Variants in RBCK1 observed in about 807,000 individuals in gnomAD.
RBCK1 encodes RANBP2-type and C3HC4-type zinc finger containing 1, also known as ranBP-type and C3HC4-type zinc finger-containing protein 1.
RBCK1 carries 44 observed loss-of-function variants against 71.1 expected under a neutral mutation model. That is an observed-to-expected ratio of 0.62 (90% CI 0.49 to 0.80). RBCK1 has a LOEUF of 0.80. RBCK1 is among the 30% of genes least tolerant of loss of function. RBCK1 has a pLI of 0.00. For missense variants in RBCK1, 569 were observed against 685.0 expected, an observed-to-expected ratio of 0.83 and a Z score of 1.89; for synonymous variants, 306 against 279.7, an observed-to-expected ratio of 1.09 and a Z score of -0.94.
intron 2 of RBCK1, among the ~76,000 whole-genome samples, chr20:412,408 C>T (rs1303191758): frequency 1.3e-5 from 2 of 151,942 alleles, no homozygotes; most frequent in Non-Finnish European, 2.9e-5. Context: ...GCAACCTCCG[C>T]CTCCCAGGTT....
intron 6 of RBCK1, chr20:420,109 C>T: frequency 2.0e-6 from 2 of 985,206 alleles, no homozygotes; most frequent in Non-Finnish European, 2.4e-6. Flanking sequence ...ACCTCACCCC[C>T]ACCCGTCTGT....
intron 8 of RBCK1, among the ~76,000 whole-genome samples, chr20:425,141 G>A (rs2016638876): frequency 6.6e-6 from 1 of 152,098 alleles, no homozygotes; most frequent in Non-Finnish European, 1.5e-5. Context: ...CTCCCAAGTA[G>A]CTGGGACTAG....
In RBCK1 at chr20:417,527, C is replaced by T. The variant is rs777689889; in HGVS notation, c.169C>T (p.Leu57=). The change falls in exon 3 of 12, where the codon CTG becomes TTG. Residue 57 remains leucine (L), a splice_region_variant and synonymous_variant. Coordinates refer to ENST00000356286, the MANE Select transcript of RBCK1 (RefSeq NM_031229.4). The surrounding 1 kb of genome is among the most constrained non-coding windows in gnomAD (Gnocchi z 4.7). ...PEVSPTQDIR[L]WVSVEDAQMH... ...CTGAGCCCCTGCTGTTCTCTGCAGG[C>T]TGTGGGTGAGCGTGGAGGATGCTCA... is the stretch of plus-strand genomic sequence containing the variant. The T allele has an allele frequency of 3.1e-6, 5 of 1,613,118 alleles. No individual in the cohort carries two copies. The highest frequency in any genetic ancestry group is 4.2e-6 in the Non-Finnish European group (5 of 1,179,944).
chr20:411,518 C>A (rs1009416689), intron 2 of RBCK1, among the ~76,000 whole-genome samples: 3 of 152,214 alleles, frequency 2.0e-5, no homozygotes, highest in African/African-American at 7.2e-5. Flanking sequence ...CAGGCGCCCG[C>A]CACCACGCCC....
intron 7 of RBCK1, 129 bp downstream of exon 7, chr20:421,160 T>C (rs1046852607): frequency 1.7e-6 from 2 of 1,181,430 alleles, no homozygotes; most frequent in Non-Finnish European, 2.3e-6. Flanking sequence ...CGAGGTAGGC[T>C]CCGTCTCCCC....
At chr20:418,822 A>G (rs939343279) in intron 4 of RBCK1, among the ~76,000 whole-genome samples, 1 of 152,224 alleles carries the variant, frequency 6.6e-6, no homozygotes, top group African/African-American at 2.4e-5. Flanking sequence ...ATTACTGGGT[A>G]TAACAATCCA....
chr20:417,590 G>C lies in RBCK1; in HGVS notation c.232G>C (p.Asp78His). 6.2e-7 allele frequency: 1 copy of C among 1,614,018 alleles called. No individual in the cohort carries two copies. Among genetic ancestry groups the C allele is most frequent in the Non-Finnish European group, 8.5e-7 (1 of 1,179,992 alleles). Residue 78 changes from aspartate to histidine, a missense_variant, in exon 3 of 12, where the codon GAT becomes CAT. Transcript: ENST00000356286. The surrounding 1 kb of genome is among the most constrained non-coding windows in gnomAD (Gnocchi z 4.7). ...TVTIWLTVRP[D>H]MTVASLKDMV... ...CACCATCTGGCTCACAGTGCGCCCTGATATGACAGTGGCGTCTCTCAAGGA... is the reference window on the plus strand; with the variant it reads ...CACCATCTGGCTCACAGTGCGCCCTCATATGACAGTGGCGTCTCTCAAGGA...
intron 2 of RBCK1, among the ~76,000 whole-genome samples, chr20:414,658 G>A (rs573457767): frequency 1.3e-5 from 2 of 152,188 alleles, no homozygotes; most frequent in South Asian, 4.2e-4. Flanking sequence ...TTGCCTCTAG[G>A]TTGATTCTAA....
intron 4 of RBCK1, among the ~76,000 whole-genome samples, chr20:419,003 G>A (rs1000787396): frequency 2.0e-5 from 3 of 152,220 alleles, no homozygotes; most frequent in Non-Finnish European, 2.9e-5. Context: ...GCGGGGGTTG[G>A]GGGCTGATGT....
intron 6 of RBCK1, chr20:420,414 C>T: frequency 1.0e-6 from 1 of 984,916 alleles, no homozygotes; most frequent in Non-Finnish European, 1.2e-6. Context: ...CACCCCACTC[C>T]TGTTCCCGTC....
rs1439866742 is a variant in RBCK1, at chr20:431,531, T to G, written c.*1101T>G. Among the ~76,000 whole-genome samples, 4 of 152,214 alleles carry G rather than the reference T, an allele frequency of 2.6e-5. No individual in the cohort carries two copies. The highest frequency in any genetic ancestry group is 2.0e-4 in the Admixed American group (3 of 15,290). On this transcript the variant is annotated 3_prime_UTR_variant, in exon 12 of 12. Transcript: ENST00000356286. The surrounding 1 kb of genome is among the most constrained non-coding windows in gnomAD (Gnocchi z 4.8). ...TCCCCTTTTGAGATCTGGTATTTGA[T>G]GCCCAACACATTGTCCACGCTGTGA... is the stretch of plus-strand genomic sequence containing the variant.
At chr20:411,603 G>T (rs1250451326) in intron 2 of RBCK1, among the ~76,000 whole-genome samples, 1 of 152,144 alleles carries the variant, frequency 6.6e-6, no homozygotes, top group African/African-American at 2.4e-5. Context: ...TCCTGACCTC[G>T]TGATCCGCCC....
chr20:423,739 A>G (rs184646988), intron 8 of RBCK1, among the ~76,000 whole-genome samples: 1 of 152,290 alleles, frequency 6.6e-6, no homozygotes, highest in Non-Finnish European at 1.5e-5. Flanking sequence ...CCGAGGGATG[A>G]CTATAATTTG....
Position 419,399 on chromosome 20 carries a change from C to T in RBCK1, c.513C>T (p.Gly171=), listed in dbSNP as rs777854248. The T allele has an allele frequency of 1.5e-5, 24 of 1,611,658 alleles. No homozygotes were observed. In the East Asian group the frequency reaches 4.5e-4, roughly 30 times the overall value. Residue 171 remains glycine, a synonymous_variant, in exon 5 of 12, where the codon GGC becomes GGT. Coordinates refer to ENST00000356286, the MANE Select transcript of RBCK1 (RefSeq NM_031229.4). Reference sequence around the variant, plus strand: ...AGCCGCGGGGCCCTCTGGAGCCAGGCCCCCCAAAGCCCGGGGTCCCCCAGG... The same window carrying T: ...AGCCGCGGGGCCCTCTGGAGCCAGGTCCCCCAAAGCCCGGGGTCCCCCAGG... ...TLQPRGPLEP[G]PPKPGVPQEP...
intron 6 of RBCK1, chr20:420,214 A>T (rs370871903): frequency 3.0e-6 from 3 of 984,856 alleles, no homozygotes; most frequent in South Asian, 4.7e-5. Context: ...TGACTTCCTG[A>T]GAGCCTGGCC....
chr20:409,727 G>T, intron 1 of RBCK1, 154 bp from the exon 2 acceptor site: 3 of 1,176,280 alleles, frequency 2.6e-6, no homozygotes, highest in Non-Finnish European at 3.5e-6. Flanking sequence ...CGGAGAAAGG[G>T]ACTTTTAGTC....
At position 409,960 on chromosome 20, in the gene RBCK1, G is replaced by A. The variant is rs2015605058; in HGVS notation, c.102G>A (p.Leu34=). ...EQVAMKCAIW[L]AEQRVPLSVQ... is the part of the protein sequence containing the mutation. ...TGGCAATGAAGTGTGCCATCTGGCT[G>A]GCAGAGCAACGGGTGCCCCTGAGTG... Residue 34 remains leucine, a synonymous_variant, in exon 2 of 12, where the codon CTG becomes CTA. Coordinates refer to ENST00000356286, the MANE Select transcript of RBCK1 (RefSeq NM_031229.4). 6.2e-7 allele frequency: 1 copy of A among 1,614,154 alleles called. No individual in the cohort carries two copies. Among genetic ancestry groups the A allele is most frequent in the Non-Finnish European group, 8.5e-7 (1 of 1,180,026 alleles).
rs1434614674 is a variant in RBCK1 at position 431,537 on chromosome 20, A to G, written c.*1107A>G. On this transcript the variant is annotated 3_prime_UTR_variant, in exon 12 of 12. Transcript: ENST00000356286. The surrounding 1 kb of genome is among the most constrained non-coding windows in gnomAD (Gnocchi z 4.8). ...TTTGAGATCTGGTATTTGATGCCCA[A>G]CACATTGTCCACGCTGTGACGTGAC... Among the ~76,000 whole-genome samples, 1 of 152,106 alleles carries G rather than the reference A, an allele frequency of 6.6e-6. No individual in the cohort carries two copies. Among genetic ancestry groups the G allele is most frequent in the African/African-American group, 2.4e-5 (1 of 41,400 alleles).
intron 6 of RBCK1, chr20:420,220 T>C: frequency 1.0e-6 from 1 of 985,050 alleles, no homozygotes. Flanking sequence ...CCTGAGAGCC[T>C]GGCCTGGACC....
Sources: allele counts gnomAD v4.1 joint callset (sites outside exome capture counted in the v4.1 genomes callset), GRCh38; gene constraint gnomAD v4.1.1; non-coding constraint Gnocchi (gnomAD v3.1); transcripts MANE v1.5; gene names NCBI Gene and HGNC (gene_info 2026-07-23, HGNC 2026-07-21).